Variants in TANC1 observed in about 807,000 individuals in gnomAD.
TANC1 encodes the protein tetratricopeptide repeat, ankyrin repeat and coiled-coil containing 1.
Under a neutral mutation model 149.7 loss-of-function variants are expected in TANC1, and 77 were observed. The observed-to-expected ratio is 0.51, with a 90% CI of 0.43 to 0.62. The LOEUF is 0.62. Among genes scored for constraint, TANC1 ranks in the 20% least tolerant of loss-of-function variants. TANC1 has a pLI of 0.00. For synonymous variants in TANC1, 854 were observed against 925.0 expected, an observed-to-expected ratio of 0.92 and a Z score of 1.39; for missense variants, 1,985 against 2,321.8, an observed-to-expected ratio of 0.85 and a Z score of 2.98.
rs1559471631 is a variant in TANC1, at chr2:159,214,141, A to ATGGG, written c.3245-3356_3245-3355insTGGG. 4.4e-5 allele frequency among the ~76,000 whole-genome samples: 5 copies of ATGGG among 112,540 alleles called. No individual in the cohort carries two copies. The East Asian group carries it at 1.6e-3, about 37-fold the overall frequency. The allele number at this position is 112,540 out of a possible 152,430, so 73.8% of individuals were successfully genotyped here. On this transcript the variant is annotated intron_variant, in intron 19 of 26. Transcript: ENST00000263635. ...TCCTGTCTCAAAAAAAAAAAAAAAAAGGGGGAATTTAGTAACAGCAAATGT... is the reference window on the plus strand; with the variant it reads ...TCCTGTCTCAAAAAAAAAAAAAAAAATGGGGGGGGAATTTAGTAACAGCAAATGT...
chr2:159,216,001 G>A (rs1202118347), intron 19 of TANC1, among the ~76,000 whole-genome samples: 1 of 152,192 alleles, frequency 6.6e-6, no homozygotes, highest in Non-Finnish European at 1.5e-5. Context: ...AGTGCCTGCA[G>A]GGTGCATCTC....
intron 3 of TANC1, among the ~76,000 whole-genome samples, chr2:159,093,437 C>A (rs1418998921): frequency 6.6e-6 from 1 of 152,160 alleles, no homozygotes; most frequent in Non-Finnish European, 1.5e-5. Flanking sequence ...GTATTGTTCA[C>A]GTGGATGCCC....
At chr2:158,974,891 C>G (rs1322392389) in intron 1 of TANC1, among the ~76,000 whole-genome samples, 1 of 150,952 alleles carries the variant, frequency 6.6e-6, no homozygotes, top group Non-Finnish European at 1.5e-5. Context: ...CACCACCACA[C>G]CCAGCTAATT....
intron 19 of TANC1, among the ~76,000 whole-genome samples, chr2:159,210,059 G>A (rs1402974568): frequency 6.6e-6 from 1 of 152,172 alleles, no homozygotes; most frequent in Non-Finnish European, 1.5e-5. Flanking sequence ...GCCCTGCCCT[G>A]CCCTGCCCGC....
intron 7 of TANC1, among the ~76,000 whole-genome samples, chr2:159,151,010 C>T (rs1041048851): frequency 1.2e-4 from 19 of 152,132 alleles, no homozygotes; most frequent in Middle Eastern, 3.4e-3. Flanking sequence ...GATCTGACTG[C>T]GTTTTGAGGC....
At chr2:159,003,010 C>A (rs1334733005) in intron 2 of TANC1, among the ~76,000 whole-genome samples, 1 of 152,178 alleles carries the variant, frequency 6.6e-6, no homozygotes, top group Non-Finnish European at 1.5e-5. Flanking sequence ...AGACCTTCAT[C>A]AGCATCGCTG....
At chr2:159,197,516 G>A (rs1252305815) in intron 18 of TANC1, among the ~76,000 whole-genome samples, 1 of 152,130 alleles carries the variant, frequency 6.6e-6, no homozygotes, top group Non-Finnish European at 1.5e-5. Context: ...GTGGGAAGCT[G>A]GCTGGCTGAC....
intron 8 of TANC1, among the ~76,000 whole-genome samples, chr2:159,164,965 C>T (rs2054432018): frequency 6.6e-6 from 1 of 152,168 alleles, no homozygotes; most frequent in African/African-American, 2.4e-5. Context: ...CACCACTGTC[C>T]CACCACTTTA....
chr2:159,002,777 A>ATTT (rs2036743006), intron 2 of TANC1, among the ~76,000 whole-genome samples: 1 of 152,174 alleles, frequency 6.6e-6, no homozygotes, highest in South Asian at 2.1e-4. Flanking sequence ...ATCTGTGCTA[A>ATTT]AAGCAGGCTG....
chr2:159,019,310 G>A (rs536143787), intron 2 of TANC1, among the ~76,000 whole-genome samples: 74 of 152,306 alleles, frequency 4.9e-4, no homozygotes, highest in South Asian at 4.1e-4. Context: ...AGGAGTGATG[G>A]GAATAGAGAT....
chr2:159,075,601 A>T (rs2043591710), intron 3 of TANC1, among the ~76,000 whole-genome samples: 1 of 151,802 alleles, frequency 6.6e-6, no homozygotes, highest in Non-Finnish European at 1.5e-5. Context: ...AAAATAGAAA[A>T]CACTCATAAT....
intron 4 of TANC1, among the ~76,000 whole-genome samples, chr2:159,108,684 G>C (rs995742012): frequency 6.6e-6 from 1 of 152,198 alleles, no homozygotes; most frequent in Non-Finnish European, 1.5e-5. Flanking sequence ...TGACAGGACT[G>C]CGCGTGCGTC....
At chr2:159,182,797 C>T (rs1369751836) in intron 14 of TANC1, among the ~76,000 whole-genome samples, 1 of 151,640 alleles carries the variant, frequency 6.6e-6, no homozygotes, top group Non-Finnish European at 1.5e-5. Flanking sequence ...GCACTAGAAG[C>T]CACTGATGAC....
intron 3 of TANC1, among the ~76,000 whole-genome samples, chr2:159,077,549 A>G (rs1280319984): frequency 6.6e-6 from 1 of 152,232 alleles, no homozygotes; most frequent in African/African-American, 2.4e-5. Context: ...ATCAATACAT[A>G]TATCGATCCT....
chr2:159,032,601 C>T (rs1477660232), intron 2 of TANC1, among the ~76,000 whole-genome samples: 2 of 152,136 alleles, frequency 1.3e-5, no homozygotes, highest in Non-Finnish European at 2.9e-5. Context: ...TACAGATTCT[C>T]TCCTGTCAGT....
At chr2:159,134,042 G>A (rs745331381) in intron 4 of TANC1, among the ~76,000 whole-genome samples, 4 of 152,168 alleles carry the variant, frequency 2.6e-5, no homozygotes, top group Non-Finnish European at 5.9e-5. Context: ...TGCAGAAGAC[G>A]TTTGAGACAG....
In TANC1 at chr2:159,097,574, T is replaced by A. The variant is rs974782482; in HGVS notation, c.62-63T>A. ...ATTCTGAGAATATAGTTTATAGGAGTTAAATTTGCATCAACTTATAATGAA... is the reference window on the plus strand; with the variant it reads ...ATTCTGAGAATATAGTTTATAGGAGATAAATTTGCATCAACTTATAATGAA... On this transcript the variant is annotated intron_variant, in intron 3 of 26. Transcript: ENST00000263635. 1.5e-5 allele frequency: 19 copies of A among 1,264,068 alleles called. No individual in the cohort carries two copies. The African/African-American group carries it at 2.8e-4, about 18-fold the overall frequency. The allele number at this position is 1,264,068 out of a possible 1,614,324, so 78.3% of individuals were successfully genotyped here. A position where few individuals can be genotyped will look rare whatever the true frequency, so the allele number is the denominator to read the frequency against.
intron 18 of TANC1, 120 bp downstream of exon 18, chr2:159,196,913 C>T (rs1407772079): frequency 2.2e-6 from 2 of 925,718 alleles, no homozygotes; most frequent in Non-Finnish European, 1.6e-6. Flanking sequence ...CGTTGACCAC[C>T]TGCAGTAGAA....
At chr2:159,139,209 AAG>A (rs2051101668) in intron 5 of TANC1, among the ~76,000 whole-genome samples, 1 of 149,066 alleles carries the variant, frequency 6.7e-6, no homozygotes, top group East Asian at 1.9e-4. Flanking sequence ...CTCTTTAAAA[AAG>A]AAAGGAAGGA....
Sources: allele counts gnomAD v4.1 joint callset (sites outside exome capture counted in the v4.1 genomes callset), GRCh38; gene constraint gnomAD v4.1.1; transcripts MANE v1.5; gene names NCBI Gene and HGNC (gene_info 2026-07-23, HGNC 2026-07-21).